Variants in TENT4B observed in about 807,000 individuals in gnomAD.
The protein encoded by TENT4B is PAP associated domain containing 5.
A neutral mutation model predicts 75.0 loss-of-function variants in TENT4B; 10 were observed. That is an observed-to-expected ratio of 0.13 (90% CI 0.08 to 0.23). TENT4B has a LOEUF of 0.23. Among genes scored for constraint, TENT4B ranks in the 10% least tolerant of loss-of-function variants. The probability of loss-of-function intolerance (pLI) is 1.00; values close to 1 mark genes in which losing one functional copy is unlikely to be tolerated. For synonymous variants in TENT4B, 350 were observed against 357.7 expected, an observed-to-expected ratio of 0.98 and a Z score of 0.24; for missense variants, 579 against 893.8, an observed-to-expected ratio of 0.65 and a Z score of 4.49.
chr16:50,174,264 A>G (rs1309503199), intron 1 of TENT4B, among the ~76,000 whole-genome samples: 1 of 150,160 alleles, frequency 6.7e-6, no homozygotes, highest in Non-Finnish European at 1.5e-5. Flanking sequence ...CACCTGGCTA[A>G]TTTTTGTATT....
chr16:50,161,901 A>G (rs1047917132), intron 1 of TENT4B, among the ~76,000 whole-genome samples: 3 of 152,124 alleles, frequency 2.0e-5, no homozygotes, highest in Non-Finnish European at 2.9e-5. Context: ...TAGCCACTGT[A>G]ACAGTCTATA....
chr16:50,167,791 G>A (rs886214861), intron 1 of TENT4B, among the ~76,000 whole-genome samples: 4 of 152,046 alleles, frequency 2.6e-5, no homozygotes, highest in African/African-American at 7.2e-5. Context: ...CGAGTAGCTC[G>A]GATTACAGGC....
chr16:50,229,938 A>C lies in TENT4B; in HGVS notation c.*610A>C, dbSNP rs2032223594. On this transcript the variant is annotated 3_prime_UTR_variant, in exon 12 of 12. Transcript: ENST00000561678. ...TGTAAACAGATTTTTTCTCAGGATT[A>C]GTTTGAAAAATAATCTAAATTGTCA... 1 of 935,754 alleles carries C rather than the reference A, an allele frequency of 1.1e-6. No homozygotes were observed. The highest frequency in any genetic ancestry group is 1.8e-5 in the African/African-American group (1 of 55,984). 58.0% of individuals were successfully genotyped at this position (935,754 alleles called of 1,614,324 possible). A position where few individuals can be genotyped will look rare whatever the true frequency, so the allele number is the denominator to read the frequency against.
At chr16:50,211,075 G>T (rs1467356768) in intron 1 of TENT4B, among the ~76,000 whole-genome samples, 1 of 152,124 alleles carries the variant, frequency 6.6e-6, no homozygotes, top group Admixed American at 6.5e-5. Context: ...CCGTATGCTT[G>T]TTTTATTTTA....
intron 5 of TENT4B, 107 bp downstream of exon 5, chr16:50,217,770 C>CTCTCTCTCTCTCTCCCTCTCTCTCTCTA: frequency 1.6e-6 from 1 of 626,050 alleles, no homozygotes; most frequent in Non-Finnish European, 2.7e-6. Context: ...GTCTCTCTCT[C>CTCTCTCTCTCTCTCCCTCTCTCTCTCTA]TCTCTTTTAA....
intron 1 of TENT4B, among the ~76,000 whole-genome samples, chr16:50,205,912 A>G (rs1326176679): frequency 1.3e-5 from 2 of 152,124 alleles, no homozygotes; most frequent in Non-Finnish European, 2.9e-5. Flanking sequence ...TAACGCACAC[A>G]AAAGAGATTC....
intron 1 of TENT4B, among the ~76,000 whole-genome samples, chr16:50,173,923 A>AC (rs2038253937): frequency 6.7e-6 from 1 of 150,120 alleles, no homozygotes; most frequent in Admixed American, 6.6e-5. Context: ...TGAACTCCTG[A>AC]CCTTAGGTGA....
intron 1 of TENT4B, among the ~76,000 whole-genome samples, chr16:50,203,803 G>T (rs1183037906): frequency 6.6e-6 from 1 of 152,192 alleles, no homozygotes; most frequent in East Asian, 1.9e-4. Context: ...CTAAGGAGGT[G>T]CTTCTCTGTG....
intron 1 of TENT4B, among the ~76,000 whole-genome samples, chr16:50,159,636 G>A (rs922897618): frequency 2.6e-5 from 4 of 152,156 alleles, no homozygotes; most frequent in African/African-American, 7.2e-5. Flanking sequence ...GAATATGAAA[G>A]AATTTAGAGG....
chr16:50,162,797 A>G lies in TENT4B; in HGVS notation c.638+8538A>G, dbSNP rs551114052. 2.6e-5 allele frequency among the ~76,000 whole-genome samples: 4 copies of G among 152,322 alleles called. No individual in the cohort carries two copies. The South Asian group carries it at 6.2e-4, about 24-fold the overall frequency. ...AAGTAGATCTTTAGCCTCGTTTTCT[A>G]AAAACATAAAAAAGTAAAACTGTGG... On this transcript the variant is annotated intron_variant, in intron 1 of 11. Coordinates refer to ENST00000561678, the MANE Select transcript of TENT4B (RefSeq NM_001365324.3).
intron 1 of TENT4B, among the ~76,000 whole-genome samples, chr16:50,182,890 C>CGTTTTTTTTTTTTTTTTTTTTTTTTTT (rs1567488911): frequency 1.2e-4 from 1 of 8,258 alleles, no homozygotes; most frequent in African/African-American, 2.1e-4. Flanking sequence ...TTTTATTTTA[C>CGTTTTTTTTTTTTTTTTTTTTTTTTTT]CTTTTTTTTT....
Position 50,231,384 on chromosome 16 carries a change from C to G in TENT4B, c.*2056C>G, listed in dbSNP as rs1451797426. On this transcript the variant is annotated 3_prime_UTR_variant, in exon 12 of 12. Coordinates refer to ENST00000561678, the MANE Select transcript of TENT4B (RefSeq NM_001365324.3). Reference sequence around the variant, plus strand: ...ATTATTTATAAAATAATATTAAATCCAGTATTAGCTGCCTATTTCAGACAC... The same window carrying G: ...ATTATTTATAAAATAATATTAAATCGAGTATTAGCTGCCTATTTCAGACAC... 1 of 981,180 alleles carries G rather than the reference C, an allele frequency of 1.0e-6. No homozygotes were observed. 60.8% of individuals were successfully genotyped at this position (981,180 alleles called of 1,614,324 possible).
intron 1 of TENT4B, among the ~76,000 whole-genome samples, chr16:50,156,047 T>C (rs765695386): frequency 1.3e-5 from 2 of 152,132 alleles, no homozygotes; most frequent in Non-Finnish European, 2.9e-5. Context: ...AGCAAGATGT[T>C]CTTGTTCCTG....
chr16:50,166,738 C>CCCACAGCTGGGACCACAGGCGCATG (rs911719880), intron 1 of TENT4B, among the ~76,000 whole-genome samples: 25 of 151,450 alleles, frequency 1.7e-4, no homozygotes, highest in Admixed American at 1.6e-3. Flanking sequence ...CAGTCAGCAT[C>CCCACAGCTGGGACCACAGGCGCATG]CCACAGCTGG....
chr16:50,215,266 G>T (rs2031491648), intron 3 of TENT4B, among the ~76,000 whole-genome samples: 1 of 152,086 alleles, frequency 6.6e-6, no homozygotes, highest in African/African-American at 2.4e-5. Context: ...TCAGCATCAT[G>T]TTTTTCCATT....
Position 50,153,322 on chromosome 16 carries a change from G to A in TENT4B, c.-300G>A, listed in dbSNP as rs2037808204. 7.1e-6 allele frequency among the ~76,000 whole-genome samples: 1 copy of A among 141,344 alleles called. No homozygotes were observed. 92.7% of individuals were successfully genotyped at this position (141,344 alleles called of 152,430 possible). The stretch of plus-strand genomic sequence containing the variant: ...CCGCTCGCTCTTCTGTGGAGCCGCC[G>A]CCGCCGCCGCCGCCATTTGCACGGG... On this transcript the variant is annotated 5_prime_UTR_variant, in exon 1 of 12. Transcript: ENST00000561678.
upstream of TENT4B, chr16:50,152,963 G>A (rs2037786347): frequency 5.3e-6 from 8 of 1,510,948 alleles, no homozygotes; most frequent in Non-Finnish European, 7.0e-6. Flanking sequence ...ATGCGGCCTC[G>A]TCCACGCTCA....
chr16:50,170,584 A>T (rs532579816), intron 1 of TENT4B, among the ~76,000 whole-genome samples: 3 of 152,218 alleles, frequency 2.0e-5, no homozygotes, highest in Non-Finnish European at 4.4e-5. Context: ...CTCAGCCTCT[A>T]GGTCACAGCT....
chr16:50,170,800 G>A (rs1035320144), intron 1 of TENT4B, among the ~76,000 whole-genome samples: 3 of 152,034 alleles, frequency 2.0e-5, no homozygotes, highest in African/African-American at 7.2e-5. Context: ...CTGAGTAGCT[G>A]GGACTACAGG....
Sources: allele counts gnomAD v4.1 joint callset (sites outside exome capture counted in the v4.1 genomes callset), GRCh38; gene constraint gnomAD v4.1.1; transcripts MANE v1.5; gene names NCBI Gene and HGNC (gene_info 2026-07-23, HGNC 2026-07-21).